The following USP49 variants were observed in gnomAD, a reference collection of about 807,000 sequenced individuals.
The protein encoded by USP49 is ubiquitin carboxyl-terminal hydrolase 49.
USP49 carries 24 observed loss-of-function variants against 58.6 expected under a neutral mutation model. The ratio of observed to expected loss-of-function variants is 0.41; its 90% CI spans 0.30 to 0.58. USP49 has a LOEUF of 0.58. Ranked by LOEUF, USP49 falls within the 20% of genes least tolerant of loss-of-function variation. The pLI is 0.30. For missense variants in USP49, 703 were observed against 866.1 expected (o/e 0.81, Z 2.36); for synonymous variants, 408 against 365.1 (o/e 1.12, Z -1.34).
chr6:41,838,148 C>T (rs1164252476), intron 3 of USP49, among the ~76,000 whole-genome samples: 1 of 152,194 alleles, frequency 6.6e-6, no homozygotes, highest in Non-Finnish European at 1.5e-5. Context: ...AAGACACATG[C>T]ATGCATATGT....
intron 3 of USP49, among the ~76,000 whole-genome samples, chr6:41,852,234 A>G (rs1240765037): frequency 6.6e-6 from 1 of 152,130 alleles, no homozygotes; most frequent in East Asian, 1.9e-4. Flanking sequence ...CTGAGGCAGG[A>G]GAATTACTTG....
At chr6:41,799,603 G>C (rs1772957745) in intron 6 of USP49, among the ~76,000 whole-genome samples, 1 of 152,200 alleles carries the variant, frequency 6.6e-6, no homozygotes, top group African/African-American at 2.4e-5. Context: ...AGTGCAGGCT[G>C]GATAATTAAT....
chr6:41,853,402 T>C (rs920162453), intron 3 of USP49, among the ~76,000 whole-genome samples: 3 of 152,216 alleles, frequency 2.0e-5, no homozygotes, highest in African/African-American at 2.4e-5. Context: ...TTAATGCGTA[T>C]AGAGTTTCAG....
rs945007745 is a variant in USP49 at position 41,793,243 on chromosome 6, C to CTTT, written c.*3287_*3289dup. ...ACATTTTAAGAGACATCTGGAAATT[C>CTTT]TTTTTTTTTTTTTGTTTTTGTTTTT... On this transcript the variant is annotated 3_prime_UTR_variant, in exon 8 of 8. Transcript: ENST00000682992. 11 of 151,748 alleles carry CTTT rather than the reference C, an allele frequency of 7.2e-5. No homozygotes were observed. The highest frequency in any genetic ancestry group is 2.0e-4 in the South Asian group (1 of 5,016). The allele number at this position is 151,748 out of a possible 1,614,324, so 9.4% of individuals were successfully genotyped here. A position where few individuals can be genotyped will look rare whatever the true frequency, so the allele number is the denominator to read the frequency against.
intron 3 of USP49, chr6:41,869,818 T>C (rs1774383687): frequency 6.6e-6 from 1 of 152,064 alleles, no homozygotes; most frequent in African/African-American, 2.4e-5. Context: ...ACAAAAGAAT[T>C]GTGTAGCCTG....
chr6:41,848,737 C>T (rs1582018946), intron 3 of USP49, among the ~76,000 whole-genome samples: 1 of 151,822 alleles, frequency 6.6e-6, no homozygotes, highest in East Asian at 1.9e-4. Flanking sequence ...CACCTGTAGT[C>T]CCAGCTACTT....
intron 5 of USP49, among the ~76,000 whole-genome samples, chr6:41,802,468 ATTTTTTATTTAT>A (rs1773034129): frequency 5.4e-5 from 4 of 73,926 alleles, no homozygotes; most frequent in East Asian, 3.8e-4. Context: ...TTATTTATTT[ATTTTTTATTTAT>A]TTTTTTTTTT....
At chr6:41,809,781 T>C (rs1429408434) in intron 3 of USP49, among the ~76,000 whole-genome samples, 54 of 136,068 alleles carry the variant, frequency 4.0e-4, no homozygotes, top group East Asian at 2.8e-3. Context: ...GAGCCGAGAT[T>C]GCGCCACGGC....
chr6:41,825,041 G>C (rs901571129), intron 3 of USP49, among the ~76,000 whole-genome samples: 1 of 152,178 alleles, frequency 6.6e-6, no homozygotes, highest in Non-Finnish European at 1.5e-5. Context: ...GAATCAAACA[G>C]GCTGACCACA....
chr6:41,809,981 C>A (rs2127326248), intron 3 of USP49, among the ~76,000 whole-genome samples: 1 of 149,738 alleles, frequency 6.7e-6, no homozygotes, highest in Middle Eastern at 3.5e-3. Flanking sequence ...GAAACCCTGT[C>A]TCTACTAAAA....
At chr6:41,804,500 G>A (rs1481335249) in intron 4 of USP49, among the ~76,000 whole-genome samples, 1 of 152,174 alleles carries the variant, frequency 6.6e-6, no homozygotes, top group South Asian at 2.1e-4. Flanking sequence ...TCAAAGTGCT[G>A]TGATTAGACC....
chr6:41,827,004 G>C lies in USP49; in HGVS notation c.-28-19993C>G, dbSNP rs114970647. Among the ~76,000 whole-genome samples, 557 of 152,300 alleles carry C rather than the reference G, an allele frequency of 3.7e-3. 4 individuals are homozygous for C. The highest frequency in any genetic ancestry group is 0.011 in the African/African-American group (471 of 41,572). ...TACCAACAGTCACTAAAACCATCCA[G>C]CAGACTCCCTCTGCACTGATTCCTT... On this transcript the variant is annotated intron_variant, in intron 3 of 7. Coordinates refer to ENST00000682992, the MANE Select transcript of USP49 (RefSeq NM_001286554.2).
At position 41,791,462 on chromosome 6, in the gene USP49, A is replaced by G. The variant is rs1001808304; in HGVS notation, c.*5071T>C. 2 of 152,234 alleles carry G rather than the reference A, an allele frequency of 1.3e-5. No individual in the cohort carries two copies. The highest frequency in any genetic ancestry group is 4.8e-5 in the African/African-American group (2 of 41,458). The allele number at this position is 152,234 out of a possible 1,614,324, so 9.4% of individuals were successfully genotyped here. ...TCTTCAAAGTGGTTAAGAATTTAGT[A>G]AATAAAACTACTTAATCTACAACTT... On this transcript the variant is annotated 3_prime_UTR_variant, in exon 8 of 8. Transcript: ENST00000682992.
intron 3 of USP49, among the ~76,000 whole-genome samples, chr6:41,844,531 TC>T (rs1397446014): frequency 1.3e-5 from 2 of 152,064 alleles, no homozygotes; most frequent in Non-Finnish European, 2.9e-5. Context: ...GCCAGGCTGG[TC>T]TCAAACTCCT....
chr6:41,852,529 G>A (rs1018569928), intron 3 of USP49, among the ~76,000 whole-genome samples: 2 of 152,104 alleles, frequency 1.3e-5, no homozygotes, highest in African/African-American at 4.8e-5. Context: ...CTGAGCAAGT[G>A]AAAGACTTGG....
chr6:41,895,132 GGTGT>G (rs1341147641), intron 1 of USP49, among the ~76,000 whole-genome samples, 188 bp downstream of exon 1: 1 of 134,900 alleles, frequency 7.4e-6, no homozygotes, highest in East Asian at 2.4e-4. Flanking sequence ...CCCCTCACCC[GGTGT>G]GTGAGGATTT....
chr6:41,890,686 T>A (rs1156825512), intron 2 of USP49, among the ~76,000 whole-genome samples: 3 of 152,132 alleles, frequency 2.0e-5, no homozygotes, highest in African/African-American at 7.2e-5. Context: ...ATAATCATAA[T>A]AATCATAATA....
rs770179248 is a variant in USP49 at position 41,798,887 on chromosome 6, G to A, written c.1713C>T (p.Val571=). 14 of 1,613,656 alleles carry A rather than the reference G, an allele frequency of 8.7e-6. No individual in the cohort carries two copies. The African/African-American group carries it at 1.3e-4, about 15-fold the overall frequency. The change falls in exon 7 of 8, where the codon GTC becomes GTT. Residue 571 remains valine (V), a synonymous_variant. Transcript: ENST00000682992. Reference sequence around the variant, plus strand: ...CCATGGTTAATACCTGGTCAAAGACGACATGGACCCCAATCTTCTCTCGAT... The same window carrying A: ...CCATGGTTAATACCTGGTCAAAGACAACATGGACCCCAATCTTCTCTCGAT... ...RNHREKIGVH[V]VFDQVLTMEP...
chr6:41,873,524 C>G (rs1370158713), intron 2 of USP49, among the ~76,000 whole-genome samples: 1 of 152,186 alleles, frequency 6.6e-6, no homozygotes, highest in Non-Finnish European at 1.5e-5. Context: ...CAACCGTATC[C>G]ATGAAAAGCT....
Sources: allele counts gnomAD v4.1 joint callset (sites outside exome capture counted in the v4.1 genomes callset), GRCh38; gene constraint gnomAD v4.1.1; transcripts MANE v1.5; gene names NCBI Gene and HGNC (gene_info 2026-07-23, HGNC 2026-07-21).